The following PTPRD variants were observed in gnomAD, a reference collection of about 807,000 sequenced individuals.
The protein encoded by PTPRD is protein tyrosine phosphatase receptor type D.
PTPRD carries 34 observed loss-of-function variants against 214.5 expected under a neutral mutation model. The observed-to-expected ratio is 0.16, with a 90% CI of 0.12 to 0.21. The LOEUF is 0.21. PTPRD is among the 10% of genes least tolerant of loss of function. The pLI is 1.00. For synonymous variants in PTPRD, 1,128 were observed against 845.7 expected, an observed-to-expected ratio of 1.33 and a Z score of -5.79; for missense variants, 2,545 against 2,398.7, an observed-to-expected ratio of 1.06 and a Z score of -1.27.
In PTPRD at chr9:9,328,300, T is replaced by G. The variant is rs138769136; in HGVS notation, c.-203+69149A>C. The stretch of plus-strand genomic sequence containing the variant: ...GGCATGTAGGACCATACATACTACA[T>G]TCATTCTTACATGTAGTATGTGGTA... On this transcript the variant is annotated intron_variant, in intron 9 of 45. Transcript: ENST00000381196. 2.0e-5 allele frequency among the ~76,000 whole-genome samples: 3 copies of G among 152,238 alleles called. No individual in the cohort carries two copies. The East Asian group carries it at 5.8e-4, about 29-fold the overall frequency.
At chr9:8,611,947 G>GAGAAAACAAA (rs1357732011) in intron 14 of PTPRD, among the ~76,000 whole-genome samples, 1 of 98,346 alleles carries the variant, frequency 1.0e-5, no homozygotes, top group Non-Finnish European at 2.0e-5. Context: ...GAAAAGAAAA[G>GAGAAAACAAA]AGAAAACAAA....
At chr9:9,035,966 G>A (rs963656846) in intron 10 of PTPRD, among the ~76,000 whole-genome samples, 4 of 152,016 alleles carry the variant, frequency 2.6e-5, no homozygotes, top group African/African-American at 9.7e-5. Flanking sequence ...AAATACTAAT[G>A]TGCTTAATCA....
intron 7 of PTPRD, among the ~76,000 whole-genome samples, chr9:9,707,759 T>C (rs529090882): frequency 9.2e-5 from 14 of 152,228 alleles, no homozygotes; most frequent in African/African-American, 2.4e-4. Context: ...TTTTTGATGA[T>C]AGAGTTAGCA....
chr9:10,402,932 G>T, intron 2 of PTPRD, among the ~76,000 whole-genome samples: 1 of 151,312 alleles, frequency 6.6e-6, no homozygotes, highest in East Asian at 2.0e-4. Context: ...GTTTGAATTG[G>T]TGTGCTTCTT....
intron 2 of PTPRD, among the ~76,000 whole-genome samples, chr9:10,345,066 A>T (rs1216680830): frequency 2.0e-5 from 3 of 152,142 alleles, no homozygotes; most frequent in African/African-American, 7.2e-5. Context: ...GACTATGGCT[A>T]AAAAAGACTT....
At chr9:8,979,981 A>C (rs1365758965) in intron 11 of PTPRD, among the ~76,000 whole-genome samples, 1 of 152,086 alleles carries the variant, frequency 6.6e-6, no homozygotes, top group East Asian at 1.9e-4. Flanking sequence ...TAGATGAGCA[A>C]ATGGATACAG....
At chr9:9,933,407 A>G (rs1271064951) in intron 5 of PTPRD, among the ~76,000 whole-genome samples, 1 of 151,774 alleles carries the variant, frequency 6.6e-6, no homozygotes, top group Non-Finnish European at 1.5e-5. Context: ...TGGAAAACAA[A>G]AAAAGGCAGG....
intron 21 of PTPRD, among the ~76,000 whole-genome samples, chr9:8,516,304 A>G (rs763399475): frequency 6.6e-6 from 1 of 152,200 alleles, no homozygotes; most frequent in Non-Finnish European, 1.5e-5. Flanking sequence ...AATGGCACAC[A>G]GAGAAGATAT....
intron 11 of PTPRD, among the ~76,000 whole-genome samples, chr9:8,754,903 CA>C (rs1814308096): frequency 6.6e-6 from 1 of 152,074 alleles, no homozygotes; most frequent in African/African-American, 2.4e-5. Context: ...AAGCCTTAAA[CA>C]GGCAATTCAC....
intron 9 of PTPRD, among the ~76,000 whole-genome samples, chr9:9,390,016 AG>A (rs779668243): frequency 6.6e-5 from 10 of 152,286 alleles, no homozygotes; most frequent in Non-Finnish European, 1.5e-4. Flanking sequence ...CAGAGGTGGG[AG>A]AAAAGCATTG....
rs1214808227 is a variant in PTPRD at position 8,667,877 on chromosome 9, G to C, written c.65-31033C>G. 3.3e-5 allele frequency among the ~76,000 whole-genome samples: 5 copies of C among 152,092 alleles called. 1 individual carries two copies. The highest frequency in any genetic ancestry group is 7.3e-5 in the Non-Finnish European group (5 of 68,032). The stretch of plus-strand genomic sequence containing the variant: ...CCTGATTCTACAGGCAATTAATGCA[G>C]TTTCAGTAAGAAAATTAAGAAAATA... On this transcript the variant is annotated intron_variant, in intron 12 of 45. Coordinates refer to ENST00000381196, the MANE Select transcript of PTPRD (RefSeq NM_002839.4).
chr9:10,475,477 T>A, intron 2 of PTPRD, among the ~76,000 whole-genome samples: 1 of 151,746 alleles, frequency 6.6e-6, no homozygotes, highest in East Asian at 1.9e-4. Context: ...GTTCTGAAAT[T>A]GAGGAAATAA....
chr9:9,862,216 A>T (rs557809912), intron 5 of PTPRD, among the ~76,000 whole-genome samples: 1 of 152,320 alleles, frequency 6.6e-6, no homozygotes, highest in African/African-American at 2.4e-5. Context: ...CATTGGAAAA[A>T]AAAAAAAAGT....
intron 4 of PTPRD, among the ~76,000 whole-genome samples, chr9:9,979,969 G>A (rs1410271335): frequency 2.6e-5 from 4 of 152,126 alleles, no homozygotes; most frequent in Non-Finnish European, 4.4e-5. Context: ...CCTGATCATA[G>A]ACTCTTGTTG....
chr9:10,130,783 C>G (rs1184696857), intron 3 of PTPRD, among the ~76,000 whole-genome samples: 1 of 152,002 alleles, frequency 6.6e-6, no homozygotes, highest in Non-Finnish European at 1.5e-5. Flanking sequence ...CTATAGTGTG[C>G]AGATATGATC....
chr9:9,839,065 T>A (rs2057617694), intron 5 of PTPRD, among the ~76,000 whole-genome samples: 1 of 152,164 alleles, frequency 6.6e-6, no homozygotes, highest in African/African-American at 2.4e-5. Context: ...TTGTCAAAGA[T>A]CAGATAGTTG....
chr9:9,345,715 T>C (rs1231738397), intron 9 of PTPRD, among the ~76,000 whole-genome samples: 5 of 152,136 alleles, frequency 3.3e-5, no homozygotes, highest in Non-Finnish European at 7.4e-5. Flanking sequence ...TCCAGTAGTA[T>C]GGTCTTGGAT....
intron 11 of PTPRD, among the ~76,000 whole-genome samples, chr9:8,829,652 C>T (rs2097249363): frequency 6.6e-6 from 1 of 152,124 alleles, no homozygotes. Flanking sequence ...GCATCAACTA[C>T]CTCCTGGGAG....
At chr9:10,334,104 GC>G (rs749230355) in intron 3 of PTPRD, among the ~76,000 whole-genome samples, 9 of 151,754 alleles carry the variant, frequency 5.9e-5, no homozygotes, top group Admixed American at 1.3e-4. Context: ...AGGTGCTGAA[GC>G]TAAGTATTGT....
Sources: allele counts gnomAD v4.1 joint callset (sites outside exome capture counted in the v4.1 genomes callset), GRCh38; gene constraint gnomAD v4.1.1; transcripts MANE v1.5; gene names NCBI Gene and HGNC (gene_info 2026-07-23, HGNC 2026-07-21).